Variants in CELF2 observed in about 807,000 individuals in gnomAD.
The protein encoded by CELF2 is CUGBP Elav-like family member 2, also known as CUG triplet repeat RNA-binding protein 2.
A neutral mutation model predicts 62.6 loss-of-function variants in CELF2; 8 were observed. The ratio of observed to expected loss-of-function variants is 0.13; its 90% CI spans 0.07 to 0.23. The LOEUF (loss-of-function observed/expected upper bound fraction) is 0.23, where lower values mean the gene tolerates loss of function less well. Ranked by LOEUF, CELF2 falls within the 10% of genes least tolerant of loss-of-function variation. The pLI is 1.00. For missense variants in CELF2, 333 were observed against 671.0 expected, an observed-to-expected ratio of 0.50 and a Z score of 5.56; for synonymous variants, 258 against 250.0, an observed-to-expected ratio of 1.03 and a Z score of -0.30.
In CELF2 at chr10:10,995,997, C is replaced by T. The variant is rs1262930889; in HGVS notation, c.89+75998C>T. ...CTGTGAATATTCCATGAGCTAAACA[C>T]TTAGGTGAACTTTCCTGTAAGTATA... On this transcript the variant is annotated intron_variant, in intron 2 of 13. Coordinates refer to the CELF2 transcript ENST00000636488. This position sits in a 1 kb window ranked among gnomAD's most constrained non-coding sequence, Gnocchi z 4.7. Among the ~76,000 whole-genome samples the T allele has an allele frequency of 6.6e-6, 1 of 152,152 alleles. No homozygotes were observed. Among genetic ancestry groups the T allele is most frequent in the African/African-American group, 2.4e-5 (1 of 41,420 alleles).
At chr10:10,589,523 TG>T in the CELF2 span, among the ~76,000 whole-genome samples, 2 of 152,208 alleles carry the variant, frequency 1.3e-5, no homozygotes, top group Non-Finnish European at 2.9e-5. Context: ...TTTTAATTTT[TG>T]TTTCCAATTC....
intron 2 of CELF2, among the ~76,000 whole-genome samples, chr10:11,173,283 T>C (rs1382142037): frequency 1.3e-5 from 2 of 152,176 alleles, no homozygotes; most frequent in East Asian, 1.9e-4. Context: ...GTGACGCTGT[T>C]AGTTACTCTG....
chr10:10,689,296 G>A, the CELF2 span, among the ~76,000 whole-genome samples: 2 of 152,036 alleles, frequency 1.3e-5, no homozygotes, highest in African/African-American at 4.8e-5. Context: ...CAGTGAAGAG[G>A]GAAGTGCCAC....
At chr10:11,119,869 C>CA (rs1554849817) in intron 1 of CELF2, among the ~76,000 whole-genome samples, 6 of 132,952 alleles carry the variant, frequency 4.5e-5, no homozygotes, top group African/African-American at 1.7e-4. Context: ...CCGCCTCCCC[C>CA]CCCCCGGCCC....
intron 1 of CELF2, among the ~76,000 whole-genome samples, chr10:11,057,293 G>C (rs1382451084): frequency 1.3e-5 from 2 of 152,138 alleles, no homozygotes; most frequent in Non-Finnish European, 2.9e-5. Context: ...GGGGATGTGT[G>C]GGGTGGGGGG....
At position 11,270,689 on chromosome 10, in the gene CELF2, G is replaced by T; in HGVS notation, c.642G>T (p.Val214=). 1 of 1,530,042 alleles carries T rather than the reference G, an allele frequency of 6.5e-7. No homozygotes were observed. Among genetic ancestry groups the T allele is most frequent in the South Asian group, 1.3e-5 (1 of 79,832 alleles). 94.8% of individuals were successfully genotyped at this position (1,530,042 alleles called of 1,614,324 possible). A position where few individuals can be genotyped will look rare whatever the true frequency, so the allele number is the denominator to read the frequency against. The change falls in exon 7 of 13, where the codon GTG becomes GTT. Residue 214 remains valine, a synonymous_variant. Coordinates refer to ENST00000633077, the MANE Select transcript of CELF2 (RefSeq NM_001326342.2). This position sits in a 1 kb window ranked among gnomAD's most constrained non-coding sequence, Gnocchi z 5.8. The part of the protein sequence containing the change: ...TMEGCSSPIV[V]KFADTQKDKE... ...AGGGCTGCTCTTCACCTATCGTGGTGAAGTTTGCTGACACTCAGAAGGACA... is the reference window on the plus strand; with the variant it reads ...AGGGCTGCTCTTCACCTATCGTGGTTAAGTTTGCTGACACTCAGAAGGACA...
the CELF2 span, among the ~76,000 whole-genome samples, chr10:10,499,734 C>T: frequency 1.2e-4 from 18 of 152,038 alleles, no homozygotes; most frequent in South Asian, 2.1e-4. Context: ...AAAAATTAGC[C>T]GGGCGTGGTG....
Position 11,260,712 on chromosome 10 carries a change from C to G in CELF2, c.538+2840C>G, listed in dbSNP as rs922562402. Reference sequence around the variant, plus strand: ...GTGAACTGATGAGAATTCCCTGTTGCAAAAAAAGAAAAATAAGAAAGAAAG... The same window carrying G: ...GTGAACTGATGAGAATTCCCTGTTGGAAAAAAAGAAAAATAAGAAAGAAAG... On this transcript the variant is annotated intron_variant, in intron 5 of 12. Transcript: ENST00000633077. The surrounding 1 kb of genome is among the most constrained non-coding windows in gnomAD (Gnocchi z 4.2). 1.3e-5 allele frequency among the ~76,000 whole-genome samples: 2 copies of G among 149,270 alleles called. No homozygotes were observed. The highest frequency in any genetic ancestry group is 4.9e-5 in the African/African-American group (2 of 40,418).
At chr10:10,605,642 C>T in the CELF2 span, among the ~76,000 whole-genome samples, 42,898 of 152,032 alleles carry the variant, frequency 0.28, 6,411 homozygotes, top group South Asian at 0.51. Context: ...CTCGCCCTGG[C>T]CAATTTGATC....
intron 2 of CELF2, among the ~76,000 whole-genome samples, chr10:10,952,502 A>G (rs530228793): frequency 8.5e-5 from 13 of 152,360 alleles, no homozygotes; most frequent in African/African-American, 2.4e-4. Context: ...CATTGGACTC[A>G]GGAGAGGAAG....
chr10:11,116,799 T>A (rs2056654787), intron 1 of CELF2, among the ~76,000 whole-genome samples: 1 of 152,240 alleles, frequency 6.6e-6, no homozygotes, highest in Non-Finnish European at 1.5e-5. Context: ...AGTAAGTTGT[T>A]TATGTCAGTC....
the CELF2 span, among the ~76,000 whole-genome samples, chr10:10,465,168 C>T: frequency 6.6e-6 from 1 of 152,044 alleles, no homozygotes; most frequent in Admixed American, 6.6e-5. Flanking sequence ...CGGATTGCTC[C>T]CTGAAAATAC....
chr10:10,763,532 G>T, the CELF2 span, among the ~76,000 whole-genome samples: 1 of 152,208 alleles, frequency 6.6e-6, no homozygotes, highest in African/African-American at 2.4e-5. Context: ...CCGCAGAGCT[G>T]CCCTGTGTAT....
chr10:10,530,643 G>T, the CELF2 span, among the ~76,000 whole-genome samples: 2 of 152,142 alleles, frequency 1.3e-5, no homozygotes, highest in South Asian at 2.1e-4. Context: ...AGCCCTCTTT[G>T]CTCTTTCCTC....
chr10:10,940,525 G>A (rs1033714001), intron 2 of CELF2, among the ~76,000 whole-genome samples: 1 of 152,156 alleles, frequency 6.6e-6, no homozygotes, highest in African/African-American at 2.4e-5. Context: ...GTGTCAAGAG[G>A]TTCTGTGTCA....
At position 11,007,639 on chromosome 10, in the gene CELF2, A is replaced by T. The variant is rs187646114; in HGVS notation, c.53+2199A>T. On this transcript the variant is annotated intron_variant, in intron 1 of 12. Coordinates refer to the CELF2 transcript ENST00000416382. The stretch of plus-strand genomic sequence containing the variant: ...TCGTATACCAATAACTGCTTTCAAG[A>T]TGGGCTCATAAAAGGTAATTGGTGA... Among the ~76,000 whole-genome samples, 17 of 152,266 alleles carry T rather than the reference A, an allele frequency of 1.1e-4. No homozygotes were observed. The East Asian group carries it at 3.3e-3, about 29-fold the overall frequency.
chr10:10,595,226 TA>T, the CELF2 span, among the ~76,000 whole-genome samples: 2 of 152,282 alleles, frequency 1.3e-5, no homozygotes, highest in South Asian at 4.1e-4. Context: ...ACAAGCCTCT[TA>T]AAGGTGATCC....
chr10:11,205,818 G>A (rs1429321114), intron 2 of CELF2, among the ~76,000 whole-genome samples: 2 of 152,180 alleles, frequency 1.3e-5, no homozygotes, highest in African/African-American at 2.4e-5. Flanking sequence ...AGCTATTGCC[G>A]GAGTGGGGTG....
intron 9 of CELF2, among the ~76,000 whole-genome samples, chr10:11,291,400 T>TA (rs921394901): frequency 1.6e-3 from 247 of 151,836 alleles, no homozygotes; most frequent in African/African-American, 5.0e-3. Flanking sequence ...TAATTTTTGT[T>TA]AAAAAAAAAT....
Sources: gnomAD v4.1 joint callset for allele counts (sites outside exome capture counted in the v4.1 genomes callset) on GRCh38, gnomAD v4.1.1 for gene constraint, Gnocchi (gnomAD v3.1) non-coding constraint, MANE v1.5 for transcripts, NCBI Gene and HGNC (gene_info 2026-07-23, HGNC 2026-07-21) for gene names.